Variants in CSMD1 observed in about 807,000 individuals in gnomAD.
CSMD1 encodes the protein CUB and sushi domain-containing protein 1.
A neutral mutation model predicts 417.5 loss-of-function variants in CSMD1; 213 were observed. That is an observed-to-expected ratio of 0.51 (90% confidence interval 0.46 to 0.57). CSMD1 has a LOEUF of 0.57. Among genes scored for constraint, CSMD1 ranks in the 20% least tolerant of loss-of-function variants. CSMD1 has a pLI of 0.00. For synonymous variants in CSMD1, 2,862 were observed against 1,736.8 expected (o/e 1.65, Z -16.11); for missense variants, 6,923 against 4,529.7 (o/e 1.53, Z -15.17).
intron 18 of CSMD1, among the ~76,000 whole-genome samples, chr8:3,369,687 C>T (rs1809826246): frequency 6.6e-6 from 1 of 152,204 alleles, no homozygotes; most frequent in South Asian, 2.1e-4. Flanking sequence ...CGCTGGTCTT[C>T]TTAGCAGCAC....
chr8:4,712,517 T>G (rs1195723911), intron 1 of CSMD1, among the ~76,000 whole-genome samples: 2 of 152,180 alleles, frequency 1.3e-5, no homozygotes, highest in East Asian at 3.9e-4. Context: ...TTCCCTTATT[T>G]TCCTTATCCC....
At chr8:3,448,998 G>A (rs908412264) in intron 12 of CSMD1, among the ~76,000 whole-genome samples, 2 of 152,130 alleles carry the variant, frequency 1.3e-5, no homozygotes, top group Non-Finnish European at 2.9e-5. Context: ...CATATAAACA[G>A]AAATCAAACA....
At chr8:4,093,962 TCAAATAGA>T (rs1323574222) in intron 3 of CSMD1, among the ~76,000 whole-genome samples, 2 of 115,068 alleles carry the variant, frequency 1.7e-5, no homozygotes, top group Non-Finnish European at 3.7e-5. Flanking sequence ...AGACTACATC[TCAAATAGA>T]TAGATAGATA....
At chr8:4,395,481 G>C (rs1370777649) in intron 3 of CSMD1, among the ~76,000 whole-genome samples, 3 of 150,062 alleles carry the variant, frequency 2.0e-5, no homozygotes, top group African/African-American at 4.9e-5. Context: ...TTTCGATGAA[G>C]AATACAAATC....
intron 46 of CSMD1, among the ~76,000 whole-genome samples, chr8:3,103,542 G>T (rs751295487): frequency 6.6e-6 from 1 of 151,994 alleles, no homozygotes; most frequent in Non-Finnish European, 1.5e-5. Flanking sequence ...CCGTAGTACT[G>T]CAACTGCTAG....
At chr8:4,683,570 T>C (rs1366108982) in intron 1 of CSMD1, among the ~76,000 whole-genome samples, 3 of 152,184 alleles carry the variant, frequency 2.0e-5, no homozygotes, top group Non-Finnish European at 2.9e-5. Flanking sequence ...CTATTGTGAA[T>C]CACTGTTGGT....
chr8:3,593,155 G>T (rs1800935117), intron 8 of CSMD1, among the ~76,000 whole-genome samples: 1 of 152,220 alleles, frequency 6.6e-6, no homozygotes, highest in African/African-American at 2.4e-5. Context: ...GTGTGATGGT[G>T]GCGTGGAGGC....
chr8:4,849,317 G>T (rs1362564076), intron 1 of CSMD1, among the ~76,000 whole-genome samples: 1 of 151,874 alleles, frequency 6.6e-6, no homozygotes, highest in Non-Finnish European at 1.5e-5. Context: ...AAAATTAAAA[G>T]TTTATAAAGA....
chr8:4,954,791 TACTTG>T (rs1412069978), intron 1 of CSMD1, among the ~76,000 whole-genome samples: 1 of 152,122 alleles, frequency 6.6e-6, no homozygotes, highest in African/African-American at 2.4e-5. Context: ...CGGTTTTCCA[TACTTG>T]ACTTTAAGAA....
chr8:2,976,272 G>A (rs623202), intron 55 of CSMD1, among the ~76,000 whole-genome samples: 119,733 of 152,040 alleles, frequency 0.79, 47,391 homozygotes, highest in Non-Finnish European at 0.81. Flanking sequence ...ACACTTCACA[G>A]TGCTAAAACT....
chr8:3,928,535 C>T (rs971839540), intron 5 of CSMD1, among the ~76,000 whole-genome samples: 1 of 135,728 alleles, frequency 7.4e-6, no homozygotes, highest in East Asian at 2.1e-4. Context: ...GTTTCACGGC[C>T]GTTTGTAGGC....
intron 5 of CSMD1, among the ~76,000 whole-genome samples, chr8:3,801,751 A>C (rs1800471401): frequency 6.6e-6 from 1 of 152,200 alleles, no homozygotes. Context: ...ACTCTGGACA[A>C]ACTAATATAG....
chr8:3,974,345 G>C (rs1813278540), intron 5 of CSMD1, among the ~76,000 whole-genome samples: 1 of 151,542 alleles, frequency 6.6e-6, no homozygotes, highest in African/African-American at 2.4e-5. Context: ...TTGAGTAGTT[G>C]AAAGAAATGG....
At chr8:3,777,578 C>G (rs563140291) in intron 5 of CSMD1, among the ~76,000 whole-genome samples, 3 of 152,346 alleles carry the variant, frequency 2.0e-5, no homozygotes, top group Non-Finnish European at 2.9e-5. Flanking sequence ...AGGAGACAAG[C>G]TGCCATACGG....
chr8:4,258,847 G>C (rs1434048248), intron 3 of CSMD1, among the ~76,000 whole-genome samples: 1 of 152,068 alleles, frequency 6.6e-6, no homozygotes, highest in Non-Finnish European at 1.5e-5. Context: ...ACTCCTCATG[G>C]ACAACGGCTG....
intron 1 of CSMD1, among the ~76,000 whole-genome samples, chr8:4,969,435 G>A (rs1309772338): frequency 1.3e-5 from 2 of 151,556 alleles, no homozygotes; most frequent in Non-Finnish European, 2.9e-5. Context: ...TCATCTATAG[G>A]AGCCAGTTCA....
chr8:3,318,223 T>A (rs1025993833), intron 23 of CSMD1, among the ~76,000 whole-genome samples: 2 of 152,232 alleles, frequency 1.3e-5, no homozygotes, highest in Non-Finnish European at 2.9e-5. Flanking sequence ...ATAGTATAAC[T>A]TCTTACTATA....
chr8:4,474,639 TAC>T (rs1194463568), intron 2 of CSMD1, among the ~76,000 whole-genome samples: 3 of 152,104 alleles, frequency 2.0e-5, no homozygotes, highest in African/African-American at 7.2e-5. Flanking sequence ...CCTCAGGAAT[TAC>T]AGAGTAAACT....
intron 3 of CSMD1, among the ~76,000 whole-genome samples, chr8:4,211,057 T>A (rs372648392): frequency 1.3e-5 from 2 of 152,226 alleles, no homozygotes; most frequent in Non-Finnish European, 2.9e-5. Context: ...ATTTCCTTCC[T>A]TAAGAAATTC....
Sources: gnomAD v4.1 joint callset for allele counts (sites outside exome capture counted in the v4.1 genomes callset) on GRCh38, gnomAD v4.1.1 for gene constraint, MANE v1.5 for transcripts, NCBI Gene and HGNC (gene_info 2026-07-23, HGNC 2026-07-21) for gene names.